SHD: variants seen among roughly 807,000 people sequenced by gnomAD.
SHD encodes the protein SH2 domain-containing adapter protein D.
SHD carries 29 observed loss-of-function variants against 31.2 expected under a neutral mutation model. The ratio of observed to expected loss-of-function variants is 0.93; its 90% confidence interval spans 0.69 to 1.27. The LOEUF (loss-of-function observed/expected upper bound fraction) is 1.27, where lower values mean the gene tolerates loss of function less well. SHD is among the 50% of genes most tolerant of loss of function. The pLI is 0.00. For synonymous variants in SHD, 208 were observed against 187.8 expected, an observed-to-expected ratio of 1.11 and a Z score of -0.88; for missense variants, 520 against 453.8, an observed-to-expected ratio of 1.15 and a Z score of -1.33.
chr19:4,285,353 G>A (rs1971297782), intron 4 of SHD, among the ~76,000 whole-genome samples: 2 of 152,126 alleles, frequency 1.3e-5, no homozygotes, highest in Non-Finnish European at 1.5e-5. Flanking sequence ...TCACAGCTCC[G>A]TGCTGGGGTG....
At chr19:4,287,259 GA>G (rs1224161126) in intron 4 of SHD, among the ~76,000 whole-genome samples, 2 of 151,976 alleles carry the variant, frequency 1.3e-5, no homozygotes, top group African/African-American at 4.8e-5. Context: ...GTGAACCGGG[GA>G]GGCGGAGCTT....
intron 1 of SHD, among the ~76,000 whole-genome samples, chr19:4,281,167 G>A (rs890449790): frequency 2.6e-5 from 4 of 151,940 alleles, no homozygotes; most frequent in East Asian, 1.9e-4. Context: ...CCAGGCCACC[G>A]GGTGCAGTAG....
intron 5 of SHD, among the ~76,000 whole-genome samples, chr19:4,289,371 A>T (rs1713987577): frequency 6.6e-6 from 1 of 150,610 alleles, no homozygotes; most frequent in Non-Finnish European, 1.5e-5. Flanking sequence ...TCAGCCTCCC[A>T]AAGTGCTGGG....
At chr19:4,283,809 A>T (rs1456863940) in intron 3 of SHD, among the ~76,000 whole-genome samples, 1 of 149,670 alleles carries the variant, frequency 6.7e-6, no homozygotes, top group Non-Finnish European at 1.5e-5. Flanking sequence ...CGATCTTCTG[A>T]CCTCGTGATC....
rs1199239516 is a variant in SHD, at chr19:4,288,510, T to TGGG, written c.836+149_836+151dup. 3.6e-6 allele frequency: 3 copies of TGGG among 844,130 alleles called. No individual in the cohort carries two copies. The African/African-American group carries it at 5.3e-5, about 15-fold the overall frequency. 52.3% of individuals were successfully genotyped at this position (844,130 alleles called of 1,614,324 possible). A position where few individuals can be genotyped will look rare whatever the true frequency, so the allele number is the denominator to read the frequency against. On this transcript the variant is annotated intron_variant, in intron 5 of 5. Transcript: ENST00000543264. ...TGGGTGGGACTTCTAGGAGAAGGGG[T>TGGG]GGGAGTTCTGGGGAGGCCATTAGCT...
chr19:4,289,103 A>ATTTTTT (rs71166980), intron 5 of SHD, among the ~76,000 whole-genome samples: 3 of 77,404 alleles, frequency 3.9e-5, no homozygotes, highest in African/African-American at 1.1e-4. Flanking sequence ...TGCCCAGCTA[A>ATTTTTT]TTTTTTTTTT....
rs1400443589 is a variant in SHD, at chr19:4,280,302, A to G, written c.239A>G (p.Lys80Arg). 2.5e-6 allele frequency: 4 copies of G among 1,608,806 alleles called. No homozygotes were observed. The South Asian group carries it at 4.4e-5, about 18-fold the overall frequency. Residue 80 changes from lysine to arginine, a missense_variant, in exon 1 of 6, where the codon AAG becomes AGG. By Grantham distance (26) the Lys-to-Arg change is conservative (BLOSUM62 2). Coordinates refer to ENST00000543264, the MANE Select transcript of SHD (RefSeq NM_020209.4). ...GGTTCTCCCAAGCACCGGCTCATCA[A>G]GGTGGAGGCTGCGGATATGGCCAGA... ...KYGSPKHRLI[K>R]VEAADMARAK...
chr19:4,281,430 C>T (rs1971255232), intron 1 of SHD, among the ~76,000 whole-genome samples: 1 of 111,896 alleles, frequency 8.9e-6, no homozygotes, highest in Non-Finnish European at 1.7e-5. Context: ...ACCTGGGTGA[C>T]AGAGCAACAC....
intron 1 of SHD, 74 bp from the exon 2 acceptor site, chr19:4,282,796 G>A: frequency 8.0e-7 from 1 of 1,242,614 alleles, no homozygotes; most frequent in South Asian, 1.3e-5. Flanking sequence ...CCTGTGGGCA[G>A]GCAAGAGGTG....
chr19:4,282,598 C>T (rs1174678871), intron 1 of SHD, among the ~76,000 whole-genome samples: 8 of 151,498 alleles, frequency 5.3e-5, no homozygotes, highest in African/African-American at 1.9e-4. Flanking sequence ...CGCCTGTAGT[C>T]CCAGCTACTC....
At position 4,283,123 on chromosome 19, in the gene SHD, G is replaced by T; in HGVS notation, c.473G>T (p.Gly158Val). 1 of 1,614,152 alleles carries T rather than the reference G, an allele frequency of 6.2e-7. No individual in the cohort carries two copies. Among genetic ancestry groups the T allele is most frequent in the Non-Finnish European group, 8.5e-7 (1 of 1,180,026 alleles). ...GAACAGGACCCAGAGACAGCAGATGGACCCCCTTCTGGGCAGAAGCCTCGG... is the reference window on the plus strand; with the variant it reads ...GAACAGGACCCAGAGACAGCAGATGTACCCCCTTCTGGGCAGAAGCCTCGG... ...YEEQDPETADGPPSGQKPRQS... is the reference protein window; with the variant it reads ...YEEQDPETADVPPSGQKPRQS... The change falls in exon 3 of 6, where the codon GGA (glycine) becomes GTA (valine). Residue 158 changes from glycine to valine, a missense_variant. By Grantham distance (109) the Gly-to-Val change is moderately radical. Coordinates refer to ENST00000543264, the MANE Select transcript of SHD (RefSeq NM_020209.4).
chr19:4,283,492 T>G (rs1568368609), intron 3 of SHD, among the ~76,000 whole-genome samples: 1 of 152,084 alleles, frequency 6.6e-6, no homozygotes, highest in Non-Finnish European at 1.5e-5. Context: ...CAGTGTGGTG[T>G]GGGGAGAGGA....
At chr19:4,284,083 C>T (rs1012354045) in intron 3 of SHD, among the ~76,000 whole-genome samples, 5 of 151,652 alleles carry the variant, frequency 3.3e-5, no homozygotes, top group African/African-American at 1.2e-4. Context: ...GCGGGTGGAT[C>T]GTTTGAGGTC....
chr19:4,282,701 G>A (rs1043844861), intron 1 of SHD, among the ~76,000 whole-genome samples, 169 bp from the exon 2 acceptor site: 4 of 152,032 alleles, frequency 2.6e-5, no homozygotes, highest in Non-Finnish European at 5.9e-5. Flanking sequence ...GGGTGACAGA[G>A]CGAGACTCCA....
chr19:4,283,650 C>G (rs1457192574), intron 3 of SHD, among the ~76,000 whole-genome samples: 1 of 151,936 alleles, frequency 6.6e-6, no homozygotes, highest in Non-Finnish European at 1.5e-5. Flanking sequence ...GTGATCTCGG[C>G]TCACTGCAAG....
In SHD at chr19:4,279,272, G is replaced by T. The variant is rs1489412236; in HGVS notation, c.-792G>T. On this transcript the variant is annotated 5_prime_UTR_variant, in exon 1 of 6. Coordinates refer to ENST00000543264, the MANE Select transcript of SHD (RefSeq NM_020209.4). This position sits in a 1 kb window ranked among gnomAD's most constrained non-coding sequence, Gnocchi z 7.5. The stretch of plus-strand genomic sequence containing the variant: ...GAGGTGGGGGAGCCTTGACGCTGCT[G>T]CCCGGGACGCGGCCCGGGGCTGGTG... The T allele has an allele frequency of 6.6e-6, 1 of 152,058 alleles. No individual in the cohort carries two copies. Among genetic ancestry groups the T allele is most frequent in the African/African-American group, 2.4e-5 (1 of 41,364 alleles). 9.4% of individuals were successfully genotyped at this position (152,058 alleles called of 1,614,324 possible). A position where few individuals can be genotyped will look rare whatever the true frequency, so the allele number is the denominator to read the frequency against.
chr19:4,283,771 G>A (rs1228194965), intron 3 of SHD, among the ~76,000 whole-genome samples: 1 of 151,358 alleles, frequency 6.6e-6, no homozygotes, highest in South Asian at 2.1e-4. Context: ...GTAGAGACGG[G>A]GTTTCACCAT....
At chr19:4,289,480 A>G (rs1971354284) in intron 5 of SHD, among the ~76,000 whole-genome samples, 1 of 151,788 alleles carries the variant, frequency 6.6e-6, no homozygotes, top group Non-Finnish European at 1.5e-5. Context: ...TCCTGGCCTC[A>G]AGCAATCCGC....
chr19:4,280,452 C>A, intron 1 of SHD, 92 bp downstream of exon 1: 1 of 1,370,704 alleles, frequency 7.3e-7, no homozygotes, highest in Non-Finnish European at 9.7e-7. Context: ...TGTGTGATCA[C>A]AGGAGGGGAC....
Sources: allele counts gnomAD v4.1 joint callset (sites outside exome capture counted in the v4.1 genomes callset), GRCh38; gene constraint gnomAD v4.1.1; non-coding constraint Gnocchi (gnomAD v3.1); transcripts MANE v1.5; gene names NCBI Gene and HGNC (gene_info 2026-07-23, HGNC 2026-07-21).